Variants in SYT1 observed in about 807,000 individuals in gnomAD.
SYT1 encodes the protein synaptotagmin-1.
A neutral mutation model predicts 44.8 loss-of-function variants in SYT1; 8 were observed. The ratio of observed to expected loss-of-function variants is 0.18; its 90% CI spans 0.10 to 0.32. The LOEUF (loss-of-function observed/expected upper bound fraction) is 0.32, where lower values mean the gene tolerates loss of function less well. SYT1 is among the 10% of genes least tolerant of loss of function. The probability of loss-of-function intolerance (pLI) is 1.00; values close to 1 mark genes in which losing one functional copy is unlikely to be tolerated. For missense variants in SYT1, 286 were observed against 509.3 expected, an observed-to-expected ratio of 0.56 and a Z score of 4.22; for synonymous variants, 154 against 188.8, an observed-to-expected ratio of 0.82 and a Z score of 1.51.
intron 9 of SYT1, among the ~76,000 whole-genome samples, chr12:79,360,417 C>T (rs1363534862): frequency 6.6e-6 from 1 of 152,146 alleles, no homozygotes; most frequent in Non-Finnish European, 1.5e-5. Flanking sequence ...AAGTTGTTTC[C>T]TAGTACCCTT....
intron 3 of SYT1, among the ~76,000 whole-genome samples, chr12:79,164,152 C>T (rs556831330): frequency 2.0e-5 from 3 of 151,998 alleles, no homozygotes; most frequent in South Asian, 2.1e-4. Context: ...ATCGTAGGGA[C>T]AACATCAAAT....
At chr12:79,245,528 A>G (rs1187014005) in intron 4 of SYT1, among the ~76,000 whole-genome samples, 1 of 151,316 alleles carries the variant, frequency 6.6e-6, no homozygotes, top group Non-Finnish European at 1.5e-5. Context: ...TTATGTATGT[A>G]TTCGTGCAGA....
At chr12:79,245,489 AGAAAAG>A (rs1565872901) in intron 4 of SYT1, among the ~76,000 whole-genome samples, 43 of 141,156 alleles carry the variant, frequency 3.0e-4, no homozygotes, top group Admixed American at 5.8e-4. Flanking sequence ...AAAAAAAAAA[AGAAAAG>A]AAAAAAGAAA....
intron 3 of SYT1, among the ~76,000 whole-genome samples, chr12:79,121,241 A>G (rs1012067298): frequency 6.6e-6 from 1 of 151,988 alleles, no homozygotes; most frequent in African/African-American, 2.4e-5. Flanking sequence ...CCCAGAATGT[A>G]GGGACTGAGT....
At chr12:79,046,945 T>G (rs1453061403) in intron 2 of SYT1, among the ~76,000 whole-genome samples, 2 of 151,948 alleles carry the variant, frequency 1.3e-5, no homozygotes, top group Non-Finnish European at 2.9e-5. Context: ...TTTAATTGAC[T>G]AAGAATCATG....
intron 1 of SYT1, among the ~76,000 whole-genome samples, chr12:78,894,471 A>G (rs1875244643): frequency 6.7e-6 from 1 of 150,216 alleles, no homozygotes; most frequent in South Asian, 2.1e-4. Flanking sequence ...ACACAAAAAA[A>G]AGTCACTTAT....
At chr12:78,952,556 A>G (rs539117277) in intron 1 of SYT1, among the ~76,000 whole-genome samples, 1 of 152,256 alleles carries the variant, frequency 6.6e-6, no homozygotes, top group South Asian at 2.1e-4. Flanking sequence ...AATACTGTAT[A>G]TGGCTAAAGC....
intron 3 of SYT1, among the ~76,000 whole-genome samples, chr12:79,098,870 T>C (rs1013883084): frequency 2.0e-5 from 3 of 152,180 alleles, no homozygotes; most frequent in Admixed American, 6.6e-5. Context: ...TTAGAACCTG[T>C]GAACAGCACA....
At chr12:79,295,917 C>T (rs1592939829) in intron 6 of SYT1, 152 bp from the exon 7 acceptor site, 2 of 893,764 alleles carry the variant, frequency 2.2e-6, no homozygotes, top group African/African-American at 3.4e-5. Context: ...AGTTCATTTG[C>T]CTTCTGTGTT....
intron 9 of SYT1, among the ~76,000 whole-genome samples, chr12:79,398,836 A>G (rs1171414939): frequency 6.6e-6 from 1 of 152,224 alleles, no homozygotes; most frequent in Non-Finnish European, 1.5e-5. Flanking sequence ...GAGAGGGTAC[A>G]GAATCTAATA....
At chr12:79,306,402 A>T (rs559319661) in intron 8 of SYT1, among the ~76,000 whole-genome samples, 2 of 152,306 alleles carry the variant, frequency 1.3e-5, no homozygotes, top group African/African-American at 4.8e-5. Context: ...GAAAAGGTAA[A>T]TCTCATTGAA....
At chr12:79,046,341 A>T (rs768588893) in intron 2 of SYT1, 6 of 152,180 alleles carry the variant, frequency 3.9e-5, no homozygotes, top group Non-Finnish European at 8.8e-5. Flanking sequence ...ACTCTTAAAA[A>T]CAGAGTAACA....
intron 1 of SYT1, among the ~76,000 whole-genome samples, chr12:78,918,787 T>C (rs1876815382): frequency 6.6e-6 from 1 of 152,092 alleles, no homozygotes; most frequent in South Asian, 2.1e-4. Flanking sequence ...ATAGTACTGA[T>C]TATAGTACAT....
At chr12:78,935,213 G>T (rs1266649822) in intron 1 of SYT1, among the ~76,000 whole-genome samples, 1 of 152,164 alleles carries the variant, frequency 6.6e-6, no homozygotes, top group Non-Finnish European at 1.5e-5. Context: ...CGTCCCCTCG[G>T]TAGCACTGAT....
At chr12:79,349,056 A>AGAGAAAGAAAGAAAGAAAGAAAGGAG (rs1882766307) in intron 8 of SYT1, among the ~76,000 whole-genome samples, 1 of 125,862 alleles carries the variant, frequency 7.9e-6, no homozygotes, top group Admixed American at 8.6e-5. Context: ...AAAGAAAGAA[A>AGAGAAAGAAAGAAAGAAAGAAAGGAG]GGAGGGAGGG....
At chr12:79,083,387 T>C (rs572643823) in intron 3 of SYT1, among the ~76,000 whole-genome samples, 1 of 152,270 alleles carries the variant, frequency 6.6e-6, no homozygotes, top group South Asian at 2.1e-4. Flanking sequence ...TCAGCAGTTT[T>C]AGTAGATGAA....
chr12:78,935,856 G>A (rs895029832), intron 1 of SYT1, among the ~76,000 whole-genome samples: 9 of 152,044 alleles, frequency 5.9e-5, no homozygotes, highest in African/African-American at 1.7e-4. Context: ...ATTTGAAAAG[G>A]AGTATACTTA....
chr12:78,903,916 C>T (rs555960195), intron 1 of SYT1, among the ~76,000 whole-genome samples: 1 of 151,948 alleles, frequency 6.6e-6, no homozygotes, highest in East Asian at 1.9e-4. Context: ...AATTCTCTTA[C>T]CCCATTATTT....
intron 8 of SYT1, among the ~76,000 whole-genome samples, chr12:79,321,080 T>G (rs2138977830): frequency 6.6e-6 from 1 of 152,294 alleles, no homozygotes; most frequent in South Asian, 2.1e-4. Flanking sequence ...ATGGACAAAC[T>G]TAATTTAAAT....
Sources: gnomAD v4.1 joint callset for allele counts (sites outside exome capture counted in the v4.1 genomes callset) on GRCh38, gnomAD v4.1.1 for gene constraint, MANE v1.5 for transcripts, NCBI Gene and HGNC (gene_info 2026-07-23, HGNC 2026-07-21) for gene names.